The following SOX5 variants were observed in gnomAD, a reference collection of about 807,000 sequenced individuals.
SOX5 encodes transcription factor SOX-5.
Under a neutral mutation model 92.0 loss-of-function variants are expected in SOX5, and 9 were observed. The observed-to-expected ratio is 0.10, with a 90% CI of 0.06 to 0.17. The LOEUF (loss-of-function observed/expected upper bound fraction) is 0.17, where lower values mean the gene tolerates loss of function less well. SOX5 is among the 10% of genes least tolerant of loss of function. SOX5 has a pLI of 1.00. For missense variants in SOX5, 642 were observed against 944.5 expected (o/e 0.68, Z 4.20); for synonymous variants, 344 against 336.3 (o/e 1.02, Z -0.25).
intron 3 of SOX5, among the ~76,000 whole-genome samples, chr12:23,778,107 T>C (rs1009843949): frequency 2.9e-4 from 44 of 152,332 alleles, no homozygotes; most frequent in African/African-American, 9.9e-4. Context: ...TCCTGAGGTA[T>C]TTCCAAATGT....
At chr12:24,076,010 T>A (rs1042929594) in intron 4 of SOX5, among the ~76,000 whole-genome samples, 1 of 152,138 alleles carries the variant, frequency 6.6e-6, no homozygotes, top group Non-Finnish European at 1.5e-5. Context: ...GGAAGATCTC[T>A]GGGATGGAAA....
chr12:24,507,166 A>G (rs1053371170), intron 1 of SOX5, among the ~76,000 whole-genome samples: 2 of 152,096 alleles, frequency 1.3e-5, no homozygotes, highest in African/African-American at 4.8e-5. Context: ...GATTTAGGCA[A>G]TAATCATCAA....
At chr12:23,923,432 CTAGA>C (rs1204388123) in intron 1 of SOX5, among the ~76,000 whole-genome samples, 1 of 152,064 alleles carries the variant, frequency 6.6e-6, no homozygotes, top group Admixed American at 6.6e-5. Flanking sequence ...AGACAAACAG[CTAGA>C]TAAATAGATA....
At chr12:24,318,233 A>AATAAC (rs1343387241) in intron 2 of SOX5, among the ~76,000 whole-genome samples, 1 of 152,092 alleles carries the variant, frequency 6.6e-6, no homozygotes, top group African/African-American at 2.4e-5. Context: ...AATAAAATAA[A>AATAAC]ACAAATATTT....
intron 3 of SOX5, among the ~76,000 whole-genome samples, chr12:24,245,789 G>C (rs772471627): frequency 6.6e-6 from 1 of 152,106 alleles, no homozygotes; most frequent in Non-Finnish European, 1.5e-5. Flanking sequence ...ATCACATAGA[G>C]AATATAGAGC....
At chr12:24,395,611 AC>A (rs1264638893) in intron 1 of SOX5, among the ~76,000 whole-genome samples, 1 of 152,226 alleles carries the variant, frequency 6.6e-6, no homozygotes, top group Non-Finnish European at 1.5e-5. Context: ...GTGGGTGTAA[AC>A]AAAATGAAAA....
At position 23,757,030 on chromosome 12, in the gene SOX5, G is replaced by A. The variant is rs1446792332; in HGVS notation, c.482-1306C>T. On this transcript the variant is annotated intron_variant, in intron 3 of 14. Transcript: ENST00000451604. ...GTGCAATTTTCCTTGGAAAAAAAAAGTAACAATATGGAACACTTCTGTCTC... is the reference window on the plus strand; with the variant it reads ...GTGCAATTTTCCTTGGAAAAAAAAAATAACAATATGGAACACTTCTGTCTC... Among the ~76,000 whole-genome samples the A allele has an allele frequency of 2.0e-5, 3 of 151,726 alleles. No individual in the cohort carries two copies. In the Admixed American group the frequency reaches 2.0e-4, roughly 10 times the overall value.
intron 1 of SOX5, among the ~76,000 whole-genome samples, chr12:24,402,475 T>A (rs936527506): frequency 1.3e-5 from 2 of 152,208 alleles, no homozygotes; most frequent in African/African-American, 4.8e-5. Flanking sequence ...CTCTTTTGTA[T>A]CTTTTTCTTC....
chr12:23,806,514 G>C (rs954845925), intron 3 of SOX5, among the ~76,000 whole-genome samples: 1 of 141,026 alleles, frequency 7.1e-6, no homozygotes, highest in Admixed American at 7.4e-5. Flanking sequence ...TATAGCATCA[G>C]ATCAATGTAA....
intron 1 of SOX5, among the ~76,000 whole-genome samples, chr12:23,940,745 T>TAC (rs36124621): frequency 0.1 from 14,604 of 139,598 alleles, 761 homozygotes; most frequent in Admixed American, 0.14. Context: ...AGATAAGTAT[T>TAC]ACACACACAC....
intron 4 of SOX5, among the ~76,000 whole-genome samples, chr12:24,109,274 T>C (rs758742028): frequency 4.6e-5 from 7 of 152,170 alleles, no homozygotes; most frequent in Admixed American, 6.5e-5. Flanking sequence ...TCAGGTTACA[T>C]AGACTACTTT....
intron 6 of SOX5, among the ~76,000 whole-genome samples, chr12:23,732,476 G>GA (rs5797035): frequency 0.74 from 112,016 of 151,956 alleles, 41,399 homozygotes; most frequent in East Asian, 0.79. Flanking sequence ...TGGAAGCTGT[G>GA]AAAATGAATT....
At chr12:24,049,192 T>G (rs904398907) in intron 4 of SOX5, among the ~76,000 whole-genome samples, 2 of 152,204 alleles carry the variant, frequency 1.3e-5, no homozygotes, top group Non-Finnish European at 2.9e-5. Flanking sequence ...TCTTCTATCA[T>G]TTTCCCTCAG....
intron 4 of SOX5, among the ~76,000 whole-genome samples, chr12:24,163,175 A>G (rs576791091): frequency 2.6e-5 from 4 of 152,272 alleles, no homozygotes; most frequent in African/African-American, 7.2e-5. Flanking sequence ...ATAAACTCAA[A>G]TCATAGCATA....
chr12:23,729,922 C>G (rs1293289464), intron 6 of SOX5, among the ~76,000 whole-genome samples: 1 of 152,104 alleles, frequency 6.6e-6, no homozygotes. Context: ...GCTTCTCACA[C>G]ACATGCCCAA....
intron 2 of SOX5, among the ~76,000 whole-genome samples, chr12:23,860,199 G>T (rs1019805108): frequency 6.6e-6 from 1 of 151,830 alleles, no homozygotes; most frequent in African/African-American, 2.4e-5. Context: ...ATTGGGAACT[G>T]AGCTTAATAC....
At chr12:24,194,657 C>T (rs953864277) in intron 4 of SOX5, among the ~76,000 whole-genome samples, 2 of 152,192 alleles carry the variant, frequency 1.3e-5, no homozygotes, top group East Asian at 1.9e-4. Context: ...GAAACAAAGA[C>T]TCATCCTACT....
At chr12:24,006,472 A>G (rs1952176929) in intron 4 of SOX5, among the ~76,000 whole-genome samples, 1 of 151,896 alleles carries the variant, frequency 6.6e-6, no homozygotes, top group Non-Finnish European at 1.5e-5. Flanking sequence ...GTGGGTTTAG[A>G]AGCAGAAATT....
At chr12:23,541,087 G>C (rs1941942104) in intron 13 of SOX5, among the ~76,000 whole-genome samples, 1 of 152,076 alleles carries the variant, frequency 6.6e-6, no homozygotes, top group African/African-American at 2.4e-5. Flanking sequence ...CTGAAATTAG[G>C]CAGTATTCTC....
Sources: gnomAD v4.1 joint callset for allele counts (sites outside exome capture counted in the v4.1 genomes callset) on GRCh38, gnomAD v4.1.1 for gene constraint, MANE v1.5 for transcripts, NCBI Gene and HGNC (gene_info 2026-07-23, HGNC 2026-07-21) for gene names.